SPARCL1: variants seen among roughly 807,000 people sequenced by gnomAD.
SPARCL1 encodes SPARC like 1.
SPARCL1 carries 52 observed loss-of-function variants against 67.1 expected under a neutral mutation model. The observed-to-expected ratio is 0.78, with a 90% CI of 0.62 to 0.98. The LOEUF is 0.98. Among genes scored for constraint, SPARCL1 ranks in the 50% least tolerant of loss-of-function variants. The probability of loss-of-function intolerance (pLI) is 0.00; values close to 1 mark genes in which losing one functional copy is unlikely to be tolerated. For synonymous variants in SPARCL1, 226 were observed against 267.8 expected, an observed-to-expected ratio of 0.84 and a Z score of 1.52; for missense variants, 717 against 782.4, an observed-to-expected ratio of 0.92 and a Z score of 1.00.
At chr4:87,489,172 C>A (rs1057177708) in intron 7 of SPARCL1, among the ~76,000 whole-genome samples, 3 of 152,144 alleles carry the variant, frequency 2.0e-5, no homozygotes, top group Non-Finnish European at 2.9e-5. Flanking sequence ...CGGTGTCTGC[C>A]CAAATGGTGG....
intron 9 of SPARCL1, 139 bp from the exon 10 acceptor site, chr4:87,479,717 C>T (rs575865057): frequency 7.7e-5 from 57 of 740,294 alleles, no homozygotes; most frequent in Admixed American, 1.8e-4. Context: ...AAACTGCCAA[C>T]GAAATAAAGT....
At chr4:87,496,436 C>G (rs1055108683) in intron 2 of SPARCL1, among the ~76,000 whole-genome samples, 1 of 152,064 alleles carries the variant, frequency 6.6e-6, no homozygotes, top group Non-Finnish European at 1.5e-5. Flanking sequence ...CCAGTCTGGC[C>G]TCGAACTTCT....
chr4:87,489,733 A>C (rs1724233893), intron 7 of SPARCL1, among the ~76,000 whole-genome samples: 1 of 152,322 alleles, frequency 6.6e-6, no homozygotes. Context: ...GGAGGCTGAC[A>C]TGTTTCATCC....
At chr4:87,500,391 T>C (rs1724796033) in intron 1 of SPARCL1, among the ~76,000 whole-genome samples, 1 of 152,172 alleles carries the variant, frequency 6.6e-6, no homozygotes, top group Non-Finnish European at 1.5e-5. Context: ...GTAAGTTGTC[T>C]CCAGATGAAC....
intron 9 of SPARCL1, 71 bp downstream of exon 9, chr4:87,480,301 C>T: frequency 3.0e-6 from 4 of 1,325,938 alleles, no homozygotes; most frequent in Admixed American, 5.0e-5. Flanking sequence ...TTTAGATTTT[C>T]CTTTTGCATA....
At position 87,513,234 on chromosome 4, in the gene SPARCL1, T is replaced by C. The variant is rs553003687; in HGVS notation, c.-11-13649A>G. 5.1e-4 allele frequency among the ~76,000 whole-genome samples: 77 copies of C among 152,320 alleles called. No individual in the cohort carries two copies. The Middle Eastern group carries it at 0.01, about 20-fold the overall frequency. ...TTATATACTGTCTCATTTGATTCAATGAAGAAAGGAGGGACAGAATTTTTA... is the reference window on the plus strand; with the variant it reads ...TTATATACTGTCTCATTTGATTCAACGAAGAAAGGAGGGACAGAATTTTTA... On this transcript the variant is annotated intron_variant, in intron 1 of 10. Coordinates refer to ENST00000282470, the MANE Select transcript of SPARCL1 (RefSeq NM_004684.6).
chr4:87,482,383 T>A, intron 8 of SPARCL1, 41 bp downstream of exon 8: 2 of 1,604,794 alleles, frequency 1.2e-6, no homozygotes, highest in Non-Finnish European at 1.7e-6. Context: ...CCTCATGCCC[T>A]GTAGACAGAC....
At position 87,493,734 on chromosome 4, in the gene SPARCL1, T is replaced by C. The variant is rs139451410; in HGVS notation, c.1066A>G (p.Ser356Gly). The C allele has an allele frequency of 3.7e-6, 6 of 1,614,174 alleles. No homozygotes were observed. The East Asian group carries it at 6.7e-5, about 18-fold the overall frequency. ...DDGGTDGPRH[S>G]ASDDYFIPSQ... is the part of the protein sequence containing the mutation. ...GGGATGAAGTAGTCATCACTTGCAC[T>C]GTGCCTGGGGCCATCAGTGCCGCCA... Residue 356 changes from serine to glycine, a missense_variant, in exon 4 of 11, where the codon AGT becomes GGT. Transcript: ENST00000282470.
chr4:87,501,888 A>G (rs1039670904), intron 1 of SPARCL1, among the ~76,000 whole-genome samples: 2 of 151,780 alleles, frequency 1.3e-5, no homozygotes, highest in Admixed American at 6.6e-5. Context: ...CCGATTTGCT[A>G]ATCATTTTTG....
Position 87,473,755 on chromosome 4 carries a change from G to A in SPARCL1, c.*20C>T. ...GAACAGAGGAGGATGCTGGAAAGTT[G>A]AGTTCTTTAAAATCTTCGTTCAAAA... is the stretch of plus-strand genomic sequence containing the variant. On this transcript the variant is annotated 3_prime_UTR_variant, in exon 11 of 11. Coordinates refer to ENST00000282470, the MANE Select transcript of SPARCL1 (RefSeq NM_004684.6). 1 of 1,594,032 alleles carries A rather than the reference G, an allele frequency of 6.3e-7. No homozygotes were observed. Among genetic ancestry groups the A allele is most frequent in the African/African-American group, 1.3e-5 (1 of 74,552 alleles).
At chr4:87,489,070 G>A (rs1028463386) in intron 7 of SPARCL1, among the ~76,000 whole-genome samples, 5 of 152,164 alleles carry the variant, frequency 3.3e-5, no homozygotes, top group Admixed American at 6.5e-5. Context: ...TGGCTCACTG[G>A]CTTCAGCCAC....
intron 7 of SPARCL1, among the ~76,000 whole-genome samples, chr4:87,485,145 G>C (rs1723998143): frequency 2.0e-5 from 3 of 151,900 alleles, no homozygotes; most frequent in Admixed American, 6.6e-5. Flanking sequence ...TCTTGTGCTG[G>C]TTTTCAAAGG....
chr4:87,495,292 A>C lies in SPARCL1; in HGVS notation c.55-165T>G, dbSNP rs1001840733. 3 of 532,800 alleles carry C rather than the reference A, an allele frequency of 5.6e-6. No homozygotes were observed. The African/African-American group carries it at 6.0e-5, about 11-fold the overall frequency. The allele number at this position is 532,800 out of a possible 1,614,324, so 33.0% of individuals were successfully genotyped here. A position where few individuals can be genotyped will look rare whatever the true frequency, so the allele number is the denominator to read the frequency against. ...TTGAGGATATAAGCAGATGCCTAGA[A>C]CAGAATGTTAAGTGGAAGCAGAATC... On this transcript the variant is annotated intron_variant, in intron 2 of 10. Transcript: ENST00000282470.
chr4:87,494,872 A>T, intron 3 of SPARCL1, 109 bp downstream of exon 3: 1 of 1,062,022 alleles, frequency 9.4e-7, no homozygotes, highest in Admixed American at 2.6e-5. Context: ...ATCATGTTTT[A>T]AAAAAATTAA....
At chr4:87,503,677 T>C (rs972857152) in intron 1 of SPARCL1, among the ~76,000 whole-genome samples, 6 of 123,488 alleles carry the variant, frequency 4.9e-5, no homozygotes, top group African/African-American at 2.3e-4. Flanking sequence ...GAAGTTTTTT[T>C]TTTTCCTTTT....
At chr4:87,486,833 T>C (rs1274471772) in intron 7 of SPARCL1, among the ~76,000 whole-genome samples, 1 of 151,574 alleles carries the variant, frequency 6.6e-6, no homozygotes, top group African/African-American at 2.4e-5. Context: ...TTTGTGTTTT[T>C]TGATCTTTGT....
At chr4:87,484,567 C>T (rs1394291326) in intron 7 of SPARCL1, among the ~76,000 whole-genome samples, 1 of 152,140 alleles carries the variant, frequency 6.6e-6, no homozygotes, top group Non-Finnish European at 1.5e-5. Context: ...GATATATGGG[C>T]TCTTTTTTGG....
At chr4:87,498,175 T>C (rs1167439295) in intron 2 of SPARCL1, among the ~76,000 whole-genome samples, 4 of 152,234 alleles carry the variant, frequency 2.6e-5, no homozygotes, top group African/African-American at 9.6e-5. Flanking sequence ...CATTAACTTG[T>C]CCCGCTTTTG....
intron 7 of SPARCL1, among the ~76,000 whole-genome samples, chr4:87,486,888 C>CTTTTTTTTTT (rs57597004): frequency 1.1e-4 from 3 of 28,000 alleles, no homozygotes; most frequent in Non-Finnish European, 1.4e-4. Context: ...GCAATTCCTG[C>CTTTTTTTTTT]TTTTTTTTTT....
Sources: allele counts gnomAD v4.1 joint callset (sites outside exome capture counted in the v4.1 genomes callset), GRCh38; gene constraint gnomAD v4.1.1; transcripts MANE v1.5; gene names NCBI Gene and HGNC (gene_info 2026-07-23, HGNC 2026-07-21).